The following DYNLT2 variants were observed in gnomAD, a reference collection of about 807,000 sequenced individuals.
DYNLT2 encodes dynein light chain Tctex-type protein 2.
Under a neutral mutation model 24.3 loss-of-function variants are expected in DYNLT2, and 24 were observed. That is an observed-to-expected ratio of 0.99 (90% confidence interval 0.71 to 1.39). DYNLT2 has a LOEUF of 1.39. Ranked by LOEUF, DYNLT2 falls within the 40% of genes most tolerant of loss-of-function variation. The pLI is 0.00. For synonymous variants in DYNLT2, 85 were observed against 85.4 expected, an observed-to-expected ratio of 1.00 and a Z score of 0.03; for missense variants, 246 against 234.5, an observed-to-expected ratio of 1.05 and a Z score of -0.32.
the DYNLT2 span, among the ~76,000 whole-genome samples, chr6:169,728,380 G>T: frequency 6.6e-6 from 1 of 152,176 alleles, no homozygotes; most frequent in African/African-American, 2.4e-5. Context: ...AGAATAACTT[G>T]CTTGAAATAA....
intron 1 of DYNLT2, chr6:169,750,969 C>A (rs1172914369): frequency 6.0e-6 from 1 of 167,988 alleles, no homozygotes; most frequent in South Asian, 1.9e-4. Context: ...AGCAAAACTG[C>A]TTATAATGGC....
Position 169,751,541 on chromosome 6 carries a change from G to A in DYNLT2, c.-83C>T, listed in dbSNP as rs957095759. On this transcript the variant is annotated 5_prime_UTR_variant, in exon 1 of 4. Transcript: ENST00000366774. Reference sequence around the variant, plus strand: ...CCTAGCCAGTCCCGCGAGGGCGGAAGTCTCCCACCTGCGCCTCGTACGGTA... The same window carrying A: ...CCTAGCCAGTCCCGCGAGGGCGGAAATCTCCCACCTGCGCCTCGTACGGTA... The A allele has an allele frequency of 6.2e-7, 1 of 1,610,566 alleles. No individual in the cohort carries two copies. The highest frequency in any genetic ancestry group is 1.3e-5 in the African/African-American group (1 of 74,782).
rs1265984810 is a variant in DYNLT2, at chr6:169,740,209, C to A, written c.573G>T (p.Leu191Phe). The change falls in exon 4 of 4, where the codon TTG (leucine) becomes TTT (phenylalanine). Residue 191 changes from leucine to phenylalanine, a missense_variant. Leu to Phe is a conservative substitution (Grantham distance 22). Transcript: ENST00000366774. ...HEAESYVALV[L>F]VFALYYE The stretch of plus-strand genomic sequence containing the variant: ...GCTATTCATAATAAAGGGCAAACAC[C>A]AAGACCAGTGCCACGTAGGATTCTG... The A allele has an allele frequency of 1.2e-6, 2 of 1,613,668 alleles. No homozygotes were observed. Among genetic ancestry groups the A allele is most frequent in the Admixed American group, 1.7e-5 (1 of 59,984 alleles).
At chr6:169,729,165 A>AGGG in the DYNLT2 span, among the ~76,000 whole-genome samples, 1 of 152,240 alleles carries the variant, frequency 6.6e-6, no homozygotes, top group Non-Finnish European at 1.5e-5. Context: ...AGTCAAAAGC[A>AGGG]GGAAAAAGTC....
chr6:169,741,438 A>G (rs1789676476), intron 3 of DYNLT2, among the ~76,000 whole-genome samples: 1 of 152,194 alleles, frequency 6.6e-6, no homozygotes, highest in Non-Finnish European at 1.5e-5. Context: ...AAGTCATTAG[A>G]GGGCTACAAG....
chr6:169,731,533 C>G, the DYNLT2 span, among the ~76,000 whole-genome samples: 1,882 of 152,256 alleles, frequency 0.012, 26 homozygotes, highest in African/African-American at 0.043. Flanking sequence ...ATACCAGCCC[C>G]CCAATACAAA....
chr6:169,727,632 C>G, the DYNLT2 span, among the ~76,000 whole-genome samples: 1 of 151,914 alleles, frequency 6.6e-6, no homozygotes, highest in Non-Finnish European at 1.5e-5. Flanking sequence ...GGCCTGATCT[C>G]GGCTCACTGC....
intron 1 of DYNLT2, among the ~76,000 whole-genome samples, chr6:169,745,563 G>T (rs1471797688): frequency 6.6e-6 from 1 of 151,988 alleles, no homozygotes; most frequent in Non-Finnish European, 1.5e-5. Context: ...TAGTTAATGT[G>T]GTGTATTACC....
At chr6:169,741,161 C>G (rs952754893) in intron 3 of DYNLT2, among the ~76,000 whole-genome samples, 1 of 152,070 alleles carries the variant, frequency 6.6e-6, no homozygotes, top group Non-Finnish European at 1.5e-5. Context: ...ACTTTATGTC[C>G]CCACCCTGTG....
chr6:169,751,402 G>A lies in DYNLT2; in HGVS notation c.57C>T (p.Thr19=). The A allele has an allele frequency of 1.2e-6, 2 of 1,614,136 alleles. No homozygotes were observed. The highest frequency in any genetic ancestry group is 8.5e-7 in the Non-Finnish European group (1 of 1,180,016). Residue 19 remains threonine, a synonymous_variant, in exon 1 of 4, where the codon ACC becomes ACT. Transcript: ENST00000366774. ...TAGGCGTCACCGGAGCCTGCTGAGG[G>A]GTCTGGTTCGGGGTCTGGATGGGGC... ...KSSPIQTPNQ[T]PQQAPVTPRK... is the part of the protein sequence containing the mutation.
intron 3 of DYNLT2, among the ~76,000 whole-genome samples, chr6:169,740,615 T>C (rs1789657159): frequency 6.6e-6 from 1 of 152,138 alleles, no homozygotes; most frequent in Non-Finnish European, 1.5e-5. Context: ...ATGTAGTCCA[T>C]GATAAGGAAG....
chr6:169,737,629 T>C (rs1789588845), downstream of DYNLT2, among the ~76,000 whole-genome samples: 1 of 152,138 alleles, frequency 6.6e-6, no homozygotes, highest in Non-Finnish European at 1.5e-5. Flanking sequence ...GATTTGCTCT[T>C]ATACCTGGAG....
Position 169,751,516 on chromosome 6 carries a change from C to T in DYNLT2, c.-58G>A. ...CCCTTCACCGCCGGCGGTCAAACGC[C>T]CTAGCCAGTCCCGCGAGGGCGGAAG... is the stretch of plus-strand genomic sequence containing the variant. On this transcript the variant is annotated 5_prime_UTR_variant, in exon 1 of 4. Coordinates refer to ENST00000366774, the MANE Select transcript of DYNLT2 (RefSeq NM_174910.3). 1 of 1,610,544 alleles carries T rather than the reference C, an allele frequency of 6.2e-7. No homozygotes were observed. The highest frequency in any genetic ancestry group is 8.5e-7 in the Non-Finnish European group (1 of 1,178,734).
At chr6:169,726,995 G>GA in the DYNLT2 span, among the ~76,000 whole-genome samples, 9 of 151,716 alleles carry the variant, frequency 5.9e-5, no homozygotes, top group East Asian at 3.9e-4. Context: ...GATAGAGAAG[G>GA]AAAAAAAAGA....
chr6:169,730,446 A>G, the DYNLT2 span, among the ~76,000 whole-genome samples: 1 of 152,156 alleles, frequency 6.6e-6, no homozygotes, highest in African/African-American at 2.4e-5. Flanking sequence ...CCTGGCTGTA[A>G]GTCATCAAAG....
the DYNLT2 span, among the ~76,000 whole-genome samples, chr6:169,731,592 C>T: frequency 6.6e-6 from 1 of 152,078 alleles, no homozygotes; most frequent in East Asian, 1.9e-4. Context: ...CACCACAATA[C>T]AATCTGCATC....
chr6:169,741,294 C>T (rs1216712267), intron 3 of DYNLT2, among the ~76,000 whole-genome samples: 1 of 152,138 alleles, frequency 6.6e-6, no homozygotes, highest in Non-Finnish European at 1.5e-5. Flanking sequence ...ATGCTGAGAC[C>T]CCCATGTTAT....
chr6:169,746,269 A>T (rs1789798438), intron 1 of DYNLT2, among the ~76,000 whole-genome samples: 1 of 151,814 alleles, frequency 6.6e-6, no homozygotes, highest in Non-Finnish European at 1.5e-5. Context: ...AATTTTTATT[A>T]TTTCTTTTCT....
the DYNLT2 span, among the ~76,000 whole-genome samples, chr6:169,730,692 A>G: frequency 1.6e-4 from 24 of 152,190 alleles, no homozygotes; most frequent in African/African-American, 5.8e-4. Flanking sequence ...AAGTCAGGAG[A>G]TCGAGACCAT....
Sources: gnomAD v4.1 joint callset for allele counts (sites outside exome capture counted in the v4.1 genomes callset) on GRCh38, gnomAD v4.1.1 for gene constraint, MANE v1.5 for transcripts, NCBI Gene and HGNC (gene_info 2026-07-23, HGNC 2026-07-21) for gene names.